PIK3C2B: variants seen among roughly 807,000 people sequenced by gnomAD.
The protein encoded by PIK3C2B is phosphatidylinositol-4-phosphate 3-kinase catalytic subunit type 2 beta, also known as phosphatidylinositol 4-phosphate 3-kinase C2 domain-containing subunit beta.
A neutral mutation model predicts 184.3 loss-of-function variants in PIK3C2B; 83 were observed. The ratio of observed to expected loss-of-function variants is 0.45; its 90% CI spans 0.38 to 0.54. The LOEUF is 0.54. PIK3C2B is among the 20% of genes least tolerant of loss of function. The probability of loss-of-function intolerance (pLI) is 0.00; values close to 1 mark genes in which losing one functional copy is unlikely to be tolerated. For missense variants in PIK3C2B, 1,736 were observed against 2,113.5 expected (o/e 0.82, Z 3.50); for synonymous variants, 779 against 837.6 (o/e 0.93, Z 1.21).
At chr1:204,443,920 G>T in intron 18 of PIK3C2B, 148 bp downstream of exon 18, 1 of 673,944 alleles carries the variant, frequency 1.5e-6, no homozygotes, top group South Asian at 1.7e-5. Flanking sequence ...AGACCCCTGA[G>T]GAAAAGATGC....
At chr1:204,476,053 G>A (rs1324412839) in intron 1 of PIK3C2B, among the ~76,000 whole-genome samples, 1 of 152,218 alleles carries the variant, frequency 6.6e-6, no homozygotes, top group Non-Finnish European at 1.5e-5. Flanking sequence ...AAGGTTCAGA[G>A]AGCAGCAGCC....
chr1:204,466,193 G>A (rs931683990), intron 2 of PIK3C2B, among the ~76,000 whole-genome samples: 4 of 152,168 alleles, frequency 2.6e-5, no homozygotes, highest in Non-Finnish European at 5.9e-5. Flanking sequence ...GTTTCTGCCT[G>A]AGGGGTCTGC....
chr1:204,460,517 C>T lies in PIK3C2B; in HGVS notation c.1422+33G>A. On this transcript the variant is annotated intron_variant, in intron 6 of 32. Transcript: ENST00000684373. ...TTGTATTCCCATTCCACCTCCCCAGCCCTGGGCAACCCTCCACCACCCTCA... is the reference window on the plus strand; with the variant it reads ...TTGTATTCCCATTCCACCTCCCCAGTCCTGGGCAACCCTCCACCACCCTCA... 4 of 1,581,670 alleles carry T rather than the reference C, an allele frequency of 2.5e-6. No homozygotes were observed. The South Asian group carries it at 3.3e-5, about 13-fold the overall frequency.
At chr1:204,458,974 G>A (rs1156405012) in intron 8 of PIK3C2B, among the ~76,000 whole-genome samples, 2 of 152,140 alleles carry the variant, frequency 1.3e-5, no homozygotes, top group African/African-American at 2.4e-5. Context: ...AAAAGGAAGC[G>A]TTTATGACTA....
intron 17 of PIK3C2B, 84 bp downstream of exon 17, chr1:204,444,247 T>G: frequency 2.1e-6 from 3 of 1,437,472 alleles, no homozygotes; most frequent in Non-Finnish European, 2.9e-6. Flanking sequence ...CTGGGATCTC[T>G]GGTTTCTAAG....
At position 204,425,049 on chromosome 1, in the gene PIK3C2B, A is replaced by T; in HGVS notation, c.4717-9T>A. 6.2e-7 allele frequency: 1 copy of T among 1,609,446 alleles called. No homozygotes were observed. Among genetic ancestry groups the T allele is most frequent in the Non-Finnish European group, 8.5e-7 (1 of 1,176,370 alleles). On this transcript the variant is annotated splice_polypyrimidine_tract_variant and intron_variant, in intron 32 of 32. Transcript: ENST00000684373. The stretch of plus-strand genomic sequence containing the variant: ...ATCCCATCATATACCAACTGCAAAC[A>T]TAGAGATGGGTGAGGGAAGTGGTGA...
At chr1:204,425,573 T>C in intron 32 of PIK3C2B, 40 bp downstream of exon 32, 1 of 1,609,204 alleles carries the variant, frequency 6.2e-7, no homozygotes, top group Non-Finnish European at 8.5e-7. Context: ...CAGGCGCAGG[T>C]TGCCAACCCC....
chr1:204,446,779 G>A (rs942268399), intron 15 of PIK3C2B, among the ~76,000 whole-genome samples: 2 of 152,164 alleles, frequency 1.3e-5, no homozygotes, highest in African/African-American at 4.8e-5. Flanking sequence ...GCTACTTGGG[G>A]TGGACATCAG....
intron 18 of PIK3C2B, 59 bp downstream of exon 18, chr1:204,444,009 G>A (rs1314775998): frequency 5.0e-6 from 6 of 1,198,234 alleles, no homozygotes; most frequent in South Asian, 3.6e-5. Flanking sequence ...GCCTAAGAGT[G>A]AAATACTCCT....
At chr1:204,468,261 G>C (rs1403449861) in intron 2 of PIK3C2B, among the ~76,000 whole-genome samples, 3 of 152,230 alleles carry the variant, frequency 2.0e-5, no homozygotes, top group East Asian at 1.9e-4. Context: ...AGCAGGGAGA[G>C]AGAGAGAGAG....
intron 23 of PIK3C2B, among the ~76,000 whole-genome samples, chr1:204,436,022 AGCTGTGT>A (rs1675324681): frequency 6.6e-6 from 1 of 152,200 alleles, no homozygotes; most frequent in African/African-American, 2.4e-5. Flanking sequence ...CTGAGAAAAT[AGCTGTGT>A]GCCTGTGGGT....
intron 1 of PIK3C2B, among the ~76,000 whole-genome samples, chr1:204,488,277 G>C (rs1312619573): frequency 3.9e-5 from 6 of 152,204 alleles, no homozygotes; most frequent in African/African-American, 1.4e-4. Flanking sequence ...AGGCACTGAA[G>C]ATGTTTTTGC....
At chr1:204,457,974 G>C in intron 8 of PIK3C2B, 100 bp from the exon 9 acceptor site, 2 of 1,021,042 alleles carry the variant, frequency 2.0e-6, no homozygotes, top group Non-Finnish European at 2.9e-6. Flanking sequence ...GTTGGGAAGA[G>C]TAGAGAGATT....
At chr1:204,430,347 A>T (rs1183047108) in intron 28 of PIK3C2B, among the ~76,000 whole-genome samples, 7 of 148,920 alleles carry the variant, frequency 4.7e-5, no homozygotes, top group Admixed American at 2.0e-4. Flanking sequence ...CGATGTAAAA[A>T]TCCTTTTTTT....
At chr1:204,445,818 A>G in intron 16 of PIK3C2B, 138 bp downstream of exon 16, 3 of 541,788 alleles carry the variant, frequency 5.5e-6, no homozygotes, top group Non-Finnish European at 9.6e-6. Flanking sequence ...AAAAGCAAAA[A>G]GGAGAAATGG....
At chr1:204,461,246 CA>C (rs1655313817) in intron 5 of PIK3C2B, among the ~76,000 whole-genome samples, 1 of 152,208 alleles carries the variant, frequency 6.6e-6, no homozygotes, top group Non-Finnish European at 1.5e-5. Context: ...AATAACCTTA[CA>C]AATTTCTATG....
At chr1:204,455,393 C>T (rs930389412) in intron 11 of PIK3C2B, among the ~76,000 whole-genome samples, 3 of 152,162 alleles carry the variant, frequency 2.0e-5, no homozygotes, top group African/African-American at 7.2e-5. Flanking sequence ...GCCTTGGATG[C>T]TGGGGACCCA....
rs1210469022 is a variant in PIK3C2B, at chr1:204,455,961, G to A, written c.1838C>T (p.Pro613Leu). The A allele has an allele frequency of 6.2e-7, 1 of 1,614,082 alleles. No homozygotes were observed. Among genetic ancestry groups the A allele is most frequent in the African/African-American group, 1.3e-5 (1 of 74,930 alleles). ...TFNADFQTAV[P>L]GSRKHDLVQE... is the part of the protein sequence containing the mutation. ...GACCAGGTCATGCTTGCGGCTCCCG[G>A]GCACTGCCGTCTGGAAGTCTGCGTT... The change falls in exon 11 of 33, where the codon CCC (proline) becomes CTC (leucine). Residue 613 changes from proline to leucine, a missense_variant. Pro to Leu is a moderately conservative substitution (Grantham distance 98, BLOSUM62 -3). Coordinates refer to ENST00000684373, the MANE Select transcript of PIK3C2B (RefSeq NM_001377334.1).
intron 1 of PIK3C2B, among the ~76,000 whole-genome samples, chr1:204,478,659 C>T (rs922174932): frequency 1.2e-4 from 18 of 152,292 alleles, no homozygotes; most frequent in Admixed American, 2.6e-4. Flanking sequence ...CTTATACATC[C>T]CCTCTCTAGT....
Sources: allele counts gnomAD v4.1 joint callset (sites outside exome capture counted in the v4.1 genomes callset), GRCh38; gene constraint gnomAD v4.1.1; transcripts MANE v1.5; gene names NCBI Gene and HGNC (gene_info 2026-07-23, HGNC 2026-07-21).